C1orf21: variants seen among roughly 807,000 people sequenced by gnomAD.
C1orf21 encodes the protein chromosome 1 open reading frame 21, also known as uncharacterized protein C1orf21.
Under a neutral mutation model 18.7 loss-of-function variants are expected in C1orf21, and 3 were observed. The ratio of observed to expected loss-of-function variants is 0.16; its 90% CI spans 0.07 to 0.42. The LOEUF is 0.42. Ranked by LOEUF, C1orf21 falls within the 10% of genes least tolerant of loss-of-function variation. The pLI, the probability that C1orf21 is intolerant of heterozygous loss-of-function variation, is 0.99. For missense variants in C1orf21, 104 were observed against 143.6 expected (o/e 0.72, Z 1.41); for synonymous variants, 41 against 46.4 (o/e 0.88, Z 0.47).
At chr1:184,530,817 C>T (rs1309301348) in intron 3 of C1orf21, among the ~76,000 whole-genome samples, 1 of 152,058 alleles carries the variant, frequency 6.6e-6, no homozygotes, top group Admixed American at 6.6e-5. Context: ...CCATACCCTA[C>T]TGAACGTCAG....
intron 5 of C1orf21, among the ~76,000 whole-genome samples, chr1:184,603,731 G>A (rs1286421430): frequency 1.3e-5 from 2 of 152,226 alleles, no homozygotes. Context: ...GGAAGTGGAG[G>A]TTACAGTTGA....
intron 1 of C1orf21, among the ~76,000 whole-genome samples, chr1:184,472,710 G>T (rs927480818): frequency 6.6e-6 from 1 of 151,746 alleles, no homozygotes; most frequent in Non-Finnish European, 1.5e-5. Flanking sequence ...GTAATGAAAA[G>T]AATTATTATA....
intron 1 of C1orf21, among the ~76,000 whole-genome samples, chr1:184,440,619 A>G (rs145558257): frequency 6.6e-6 from 1 of 152,116 alleles, no homozygotes; most frequent in Admixed American, 6.5e-5. Flanking sequence ...TGATTCTAAA[A>G]GCTCCTTTGA....
chr1:184,392,792 A>G (rs1009667299), intron 1 of C1orf21, among the ~76,000 whole-genome samples: 3 of 136,624 alleles, frequency 2.2e-5, no homozygotes, highest in Admixed American at 7.2e-5. Context: ...TTTCTGGCCC[A>G]TAGATTTTTA....
At chr1:184,502,511 TC>T (rs200763810) in intron 2 of C1orf21, among the ~76,000 whole-genome samples, 27 of 151,958 alleles carry the variant, frequency 1.8e-4, no homozygotes, top group African/African-American at 4.1e-4. Context: ...CTTTTTTTTT[TC>T]GTTTGCTTGT....
intron 3 of C1orf21, among the ~76,000 whole-genome samples, chr1:184,576,855 T>G (rs1422814064): frequency 6.6e-6 from 1 of 152,198 alleles, no homozygotes; most frequent in Non-Finnish European, 1.5e-5. Flanking sequence ...AAATCCTTAA[T>G]TTGTCTTGCA....
intron 1 of C1orf21, among the ~76,000 whole-genome samples, chr1:184,431,884 C>T (rs1656771375): frequency 6.6e-6 from 1 of 152,156 alleles, no homozygotes; most frequent in Non-Finnish European, 1.5e-5. Context: ...AGACACTTCT[C>T]AAAAGAAGAC....
chr1:184,536,149 T>G (rs1658549144), intron 3 of C1orf21, among the ~76,000 whole-genome samples: 1 of 152,200 alleles, frequency 6.6e-6, no homozygotes, highest in Admixed American at 6.5e-5. Flanking sequence ...ACCCTGGGCA[T>G]GCCTTTTAAT....
chr1:184,585,904 T>A (rs900752995), intron 3 of C1orf21, among the ~76,000 whole-genome samples: 1 of 152,242 alleles, frequency 6.6e-6, no homozygotes, highest in Admixed American at 6.5e-5. Context: ...GTCTTTGCTA[T>A]TGTGAGTAGT....
chr1:184,479,147 T>G (rs1657615462), intron 2 of C1orf21, among the ~76,000 whole-genome samples: 2 of 152,204 alleles, frequency 1.3e-5, no homozygotes. Context: ...ACCTATAGCA[T>G]TGAGAACTGT....
intron 1 of C1orf21, among the ~76,000 whole-genome samples, chr1:184,414,868 A>G (rs989636664): frequency 2.0e-5 from 3 of 152,182 alleles, no homozygotes; most frequent in African/African-American, 7.2e-5. Context: ...CTTTAGGTCA[A>G]TTATGTAATG....
At chr1:184,496,102 G>A (rs1188648947) in intron 2 of C1orf21, among the ~76,000 whole-genome samples, 3 of 152,036 alleles carry the variant, frequency 2.0e-5, no homozygotes, top group South Asian at 4.1e-4. Context: ...CACTGGAAGG[G>A]GTAGAAAAGG....
chr1:184,439,529 A>G (rs537823810), intron 1 of C1orf21, among the ~76,000 whole-genome samples: 19 of 152,208 alleles, frequency 1.2e-4, no homozygotes, highest in African/African-American at 4.6e-4. Flanking sequence ...ACACCAGAGA[A>G]GTCAGAGAGA....
intron 2 of C1orf21, among the ~76,000 whole-genome samples, chr1:184,496,767 T>C (rs1046612804): frequency 1.3e-5 from 2 of 152,234 alleles, no homozygotes; most frequent in African/African-American, 2.4e-5. Context: ...CAGTTTACGT[T>C]TGGCTTGTTT....
intron 1 of C1orf21, among the ~76,000 whole-genome samples, chr1:184,465,608 A>G (rs1434006417): frequency 6.6e-6 from 1 of 152,124 alleles, no homozygotes; most frequent in Non-Finnish European, 1.5e-5. Context: ...GTGATGGGAT[A>G]TCATCCCAGA....
intron 1 of C1orf21, among the ~76,000 whole-genome samples, chr1:184,406,399 G>GA (rs934474033): frequency 1.2e-4 from 18 of 151,878 alleles, no homozygotes; most frequent in East Asian, 7.7e-4. Flanking sequence ...TTAAGAGAAG[G>GA]AAAAAAAACA....
intron 3 of C1orf21, chr1:184,567,380 T>G: frequency 2.0e-6 from 1 of 495,762 alleles, no homozygotes; most frequent in East Asian, 5.4e-5. Context: ...CCAGCTCTTG[T>G]TTGGGGAACC....
At chr1:184,492,115 C>T (rs1380520443) in intron 2 of C1orf21, among the ~76,000 whole-genome samples, 1 of 152,212 alleles carries the variant, frequency 6.6e-6, no homozygotes, top group African/African-American at 2.4e-5. Flanking sequence ...GAGCTATGTG[C>T]TGTGTAAGGT....
At chr1:184,399,364 T>C (rs1338277298) in intron 1 of C1orf21, among the ~76,000 whole-genome samples, 1 of 145,450 alleles carries the variant, frequency 6.9e-6, no homozygotes, top group African/African-American at 2.5e-5. Flanking sequence ...CTATTTTTTT[T>C]TTTTTTTTTT....
Sources: gnomAD v4.1 joint callset for allele counts (sites outside exome capture counted in the v4.1 genomes callset) on GRCh38, gnomAD v4.1.1 for gene constraint, MANE v1.5 for transcripts, NCBI Gene and HGNC (gene_info 2026-07-23, HGNC 2026-07-21) for gene names.